Variants in TLN2 observed in about 807,000 individuals in gnomAD.
TLN2 encodes the protein talin-2.
A neutral mutation model predicts 294.7 loss-of-function variants in TLN2; 118 were observed. The observed-to-expected ratio is 0.40, with a 90% CI of 0.34 to 0.47. The LOEUF (loss-of-function observed/expected upper bound fraction) is 0.47. Ranked by LOEUF, TLN2 falls within the 20% of genes least tolerant of loss-of-function variation. The pLI is 0.84. For missense variants in TLN2, 3,083 were observed against 3,282.2 expected (o/e 0.94, Z 1.48); for synonymous variants, 1,431 against 1,304.5 (o/e 1.10, Z -2.09).
intron 3 of TLN2, among the ~76,000 whole-genome samples, chr15:62,633,321 G>C (rs991166390): frequency 6.6e-6 from 1 of 152,188 alleles, no homozygotes; most frequent in African/African-American, 2.4e-5. Context: ...TTTGGAGATG[G>C]TGTCTTGCTC....
chr15:62,468,766 A>T (rs897552210), intron 1 of TLN2, among the ~76,000 whole-genome samples: 45 of 49,828 alleles, frequency 9.0e-4, no homozygotes, highest in East Asian at 1.8e-3. Context: ...AAAAATAAAA[A>T]AAATACAAAA....
At chr15:62,655,916 TTC>T in intron 7 of TLN2, 26 bp from the exon 8 acceptor site, 1 of 1,612,052 alleles carries the variant, frequency 6.2e-7, no homozygotes, top group South Asian at 1.1e-5. Flanking sequence ...ATAAACACAG[TTC>T]TCTTATATGT....
chr15:62,506,614 A>G (rs1405763776), intron 1 of TLN2, among the ~76,000 whole-genome samples: 1 of 152,208 alleles, frequency 6.6e-6, no homozygotes, highest in Non-Finnish European at 1.5e-5. Flanking sequence ...GGAGTTTTAA[A>G]TTGCCAGTGT....
intron 1 of TLN2, among the ~76,000 whole-genome samples, chr15:62,455,585 G>A (rs970475827): frequency 6.6e-5 from 10 of 152,142 alleles, no homozygotes; most frequent in Admixed American, 2.6e-4. Flanking sequence ...CCTACTCATC[G>A]ACTTCTGCGG....
intron 1 of TLN2, among the ~76,000 whole-genome samples, chr15:62,529,387 C>G (rs541870551): frequency 3.1e-4 from 47 of 152,230 alleles, no homozygotes; most frequent in African/African-American, 1.0e-3. Flanking sequence ...CTGCGCCCAG[C>G]CTTTTTAGGG....
intron 5 of TLN2, 102 bp downstream of exon 5, chr15:62,650,283 T>C (rs2052440632): frequency 8.3e-7 from 1 of 1,197,850 alleles, no homozygotes; most frequent in Non-Finnish European, 1.2e-6. Context: ...GGGCATCTTA[T>C]TAATAGTTCG....
At chr15:62,601,465 G>C (rs77767188) in intron 2 of TLN2, among the ~76,000 whole-genome samples, 4,226 of 152,288 alleles carry the variant, frequency 0.028, 77 homozygotes, top group African/African-American at 0.052. Flanking sequence ...GTCAGACTCA[G>C]ATCTCTTGGG....
chr15:62,498,355 C>T (rs536359028), intron 1 of TLN2, among the ~76,000 whole-genome samples: 212 of 152,210 alleles, frequency 1.4e-3, no homozygotes, highest in Admixed American at 2.2e-3. Flanking sequence ...TTTTAGTATT[C>T]GATCCTTGAG....
At chr15:62,739,648 A>C in intron 31 of TLN2, 103 bp downstream of exon 31, 1 of 1,390,496 alleles carries the variant, frequency 7.2e-7, no homozygotes. Flanking sequence ...GAACCTGGAA[A>C]CAGGCAGGCC....
chr15:62,392,376 G>T (rs953548291), intron 1 of TLN2, among the ~76,000 whole-genome samples: 1 of 152,204 alleles, frequency 6.6e-6, no homozygotes, highest in Non-Finnish European at 1.5e-5. Context: ...TCTTGGAGAA[G>T]TGGTCCCCAA....
At chr15:62,559,672 A>T (rs987727368) in intron 1 of TLN2, among the ~76,000 whole-genome samples, 1 of 152,182 alleles carries the variant, frequency 6.6e-6, no homozygotes, top group South Asian at 2.1e-4. Flanking sequence ...TTTGGTGGCA[A>T]TGGAAACCCA....
intron 11 of TLN2, among the ~76,000 whole-genome samples, chr15:62,684,731 T>C (rs2057142889): frequency 6.6e-6 from 1 of 152,012 alleles, no homozygotes; most frequent in Non-Finnish European, 1.5e-5. Context: ...AGAGATATTT[T>C]TGAGCTACTC....
chr15:62,397,562 C>T (rs926203251), intron 1 of TLN2, among the ~76,000 whole-genome samples: 3 of 152,008 alleles, frequency 2.0e-5, no homozygotes, highest in African/African-American at 7.3e-5. Context: ...CCACACCCTG[C>T]TCTACATTGA....
At position 62,401,186 on chromosome 15, in the gene TLN2, C is replaced by G. The variant is rs534365543; in HGVS notation, c.-238+10501C>G. On this transcript the variant is annotated intron_variant, in intron 1 of 58. Coordinates refer to ENST00000636159, the MANE Select transcript of TLN2 (RefSeq NM_015059.3). The stretch of plus-strand genomic sequence containing the variant: ...TGAGAGATTTGGATGAACCAAAGCT[C>G]AAGCAGAGTATTCCCTAAAAAGCTT... Among the ~76,000 whole-genome samples, 3 of 152,302 alleles carry G rather than the reference C, an allele frequency of 2.0e-5. No homozygotes were observed. The South Asian group carries it at 6.2e-4, about 32-fold the overall frequency.
chr15:62,665,481 A>T (rs956947334), intron 9 of TLN2, among the ~76,000 whole-genome samples: 3 of 152,224 alleles, frequency 2.0e-5, no homozygotes, highest in African/African-American at 7.2e-5. Flanking sequence ...CCAGACAGAA[A>T]GGTTCCATGA....
At chr15:62,748,790 G>A (rs573072979) in intron 33 of TLN2, among the ~76,000 whole-genome samples, 1 of 152,316 alleles carries the variant, frequency 6.6e-6, no homozygotes, top group South Asian at 2.1e-4. Flanking sequence ...AAAAAATATT[G>A]GAGAGATTAT....
chr15:62,568,857 G>A (rs1004547327), intron 1 of TLN2, among the ~76,000 whole-genome samples: 3 of 152,180 alleles, frequency 2.0e-5, no homozygotes, highest in Admixed American at 1.3e-4. Flanking sequence ...CTCGAGGCTA[G>A]ATAACCCCAG....
chr15:62,733,690 T>C (rs147275291), intron 28 of TLN2, among the ~76,000 whole-genome samples: 8 of 152,362 alleles, frequency 5.3e-5, no homozygotes, highest in Admixed American at 3.3e-4. Context: ...AATGCTACTA[T>C]ATTTGATATC....
chr15:62,585,545 C>G (rs937563129), intron 1 of TLN2, among the ~76,000 whole-genome samples: 1 of 152,078 alleles, frequency 6.6e-6, no homozygotes, highest in Non-Finnish European at 1.5e-5. Context: ...GCATTAATGT[C>G]CTGCTGTTGG....
Sources: gnomAD v4.1 joint callset for allele counts (sites outside exome capture counted in the v4.1 genomes callset) on GRCh38, gnomAD v4.1.1 for gene constraint, MANE v1.5 for transcripts, NCBI Gene and HGNC (gene_info 2026-07-23, HGNC 2026-07-21) for gene names.